MAP3K13: variants seen among roughly 807,000 people sequenced by gnomAD.
MAP3K13 encodes the protein leucine zipper-bearing kinase.
A neutral mutation model predicts 104.0 loss-of-function variants in MAP3K13; 52 were observed. The observed-to-expected ratio is 0.50, with a 90% confidence interval of 0.40 to 0.63. MAP3K13 has a LOEUF of 0.63. MAP3K13 is among the 20% of genes least tolerant of loss of function. MAP3K13 has a pLI of 0.00. For synonymous variants in MAP3K13, 394 were observed against 442.2 expected (o/e 0.89, Z 1.37); for missense variants, 914 against 1,218.5 (o/e 0.75, Z 3.72).
intron 2 of MAP3K13, chr3:185,329,008 A>C: frequency 8.3e-6 from 4 of 479,310 alleles, no homozygotes. Flanking sequence ...TTTTCATATA[A>C]AAAGGATTGT....
chr3:185,406,507 T>C (rs993078284), intron 1 of MAP3K13, among the ~76,000 whole-genome samples: 1 of 152,190 alleles, frequency 6.6e-6, no homozygotes, highest in Non-Finnish European at 1.5e-5. Flanking sequence ...TAAAAAATAA[T>C]CAGACTATTC....
intron 2 of MAP3K13, among the ~76,000 whole-genome samples, chr3:185,321,093 CATGCGTGCACACACAT>C (rs906216944): frequency 6.6e-6 from 1 of 151,624 alleles, no homozygotes; most frequent in African/African-American, 2.4e-5. Context: ...CACATATACA[CATGCGTGCACACACAT>C]ATGCGTGCAC....
Position 185,450,590 on chromosome 3 carries a change from G to T in MAP3K13, c.1169+532G>T, listed in dbSNP as rs563826250. Reference sequence around the variant, plus strand: ...AAGAGCAGCTTGGGCAACATAGCGAGACCCCATCTCTGTGTTAAAAACATA... The same window carrying T: ...AAGAGCAGCTTGGGCAACATAGCGATACCCCATCTCTGTGTTAAAAACATA... On this transcript the variant is annotated intron_variant, in intron 6 of 13. Transcript: ENST00000265026. This position sits in a 1 kb window ranked among gnomAD's most constrained non-coding sequence, Gnocchi z 4.2. 4.6e-5 allele frequency among the ~76,000 whole-genome samples: 7 copies of T among 151,886 alleles called. No individual in the cohort carries two copies. The highest frequency in any genetic ancestry group is 9.7e-5 in the African/African-American group (4 of 41,392).
chr3:185,463,458 T>G, intron 7 of MAP3K13, 92 bp from the exon 8 acceptor site: 2 of 698,774 alleles, frequency 2.9e-6, no homozygotes, highest in Non-Finnish European at 2.6e-6. Context: ...AGTAGAAGCA[T>G]GCAGGGAAAA....
intron 1 of MAP3K13, among the ~76,000 whole-genome samples, chr3:185,395,660 C>T (rs952262831): frequency 6.7e-6 from 1 of 149,300 alleles, no homozygotes; most frequent in Non-Finnish European, 1.5e-5. Flanking sequence ...GCCCGGCCTT[C>T]AATATTATTT....
intron 2 of MAP3K13, among the ~76,000 whole-genome samples, chr3:185,326,586 C>T (rs773757297): frequency 1.2e-4 from 19 of 152,066 alleles, no homozygotes; most frequent in South Asian, 2.1e-4. Flanking sequence ...ATATTGTGCC[C>T]GTTTTACAGA....
intron 1 of MAP3K13, among the ~76,000 whole-genome samples, chr3:185,416,019 A>G (rs1251046908): frequency 6.6e-6 from 1 of 152,228 alleles, no homozygotes; most frequent in Admixed American, 6.5e-5. Flanking sequence ...AATTAAAGAC[A>G]AAGGAAATGA....
intron 1 of MAP3K13, among the ~76,000 whole-genome samples, chr3:185,425,848 T>A (rs1714378545): frequency 6.6e-6 from 1 of 152,216 alleles, no homozygotes. Flanking sequence ...ACACATTTTA[T>A]ATTTATTTTT....
chr3:185,457,472 C>T (rs1475138853), intron 7 of MAP3K13, among the ~76,000 whole-genome samples: 1 of 152,158 alleles, frequency 6.6e-6, no homozygotes, highest in Non-Finnish European at 1.5e-5. Context: ...TAGGTGATGC[C>T]TTCTCACTGT....
At chr3:185,353,773 A>G (rs991598019) in intron 2 of MAP3K13, among the ~76,000 whole-genome samples, 2 of 152,174 alleles carry the variant, frequency 1.3e-5, no homozygotes, top group Non-Finnish European at 2.9e-5. Context: ...TGTATGCCTT[A>G]CCAGTTTTAC....
chr3:185,397,781 A>C (rs1577507651), intron 1 of MAP3K13, among the ~76,000 whole-genome samples: 2 of 152,186 alleles, frequency 1.3e-5, no homozygotes, highest in South Asian at 4.1e-4. Flanking sequence ...TCTGCCTGCC[A>C]TGAGGGTTGT....
intron 7 of MAP3K13, among the ~76,000 whole-genome samples, chr3:185,457,144 T>A (rs373622990): frequency 0.016 from 861 of 54,782 alleles, 4 homozygotes; most frequent in Middle Eastern, 0.032. Flanking sequence ...CACAGTCGGG[T>A]TCCTCACCTG....
chr3:185,384,951 T>C (rs560543103), intron 1 of MAP3K13, among the ~76,000 whole-genome samples: 2 of 152,342 alleles, frequency 1.3e-5, no homozygotes, highest in East Asian at 3.9e-4. Context: ...TTAAATTCAG[T>C]GTAGTCCTGT....
At chr3:185,394,777 C>T (rs1712280504) in intron 1 of MAP3K13, among the ~76,000 whole-genome samples, 1 of 152,134 alleles carries the variant, frequency 6.6e-6, no homozygotes, top group South Asian at 2.1e-4. Context: ...TATTTCCGCT[C>T]TAAGGAGAGG....
intron 2 of MAP3K13, among the ~76,000 whole-genome samples, chr3:185,288,586 C>T (rs1342514336): frequency 6.7e-6 from 1 of 149,434 alleles, no homozygotes; most frequent in East Asian, 1.9e-4. Context: ...TTGAGTTAGT[C>T]AATGAGAAAA....
At chr3:185,470,124 A>G (rs763543768) in intron 10 of MAP3K13, among the ~76,000 whole-genome samples, 2 of 152,084 alleles carry the variant, frequency 1.3e-5, no homozygotes, top group Non-Finnish European at 1.5e-5. Context: ...TACCTTTTTT[A>G]TTTATTGCAT....
chr3:185,415,564 G>T (rs1448493562), intron 1 of MAP3K13, among the ~76,000 whole-genome samples: 1 of 144,414 alleles, frequency 6.9e-6, no homozygotes, highest in African/African-American at 2.5e-5. Context: ...ATTAAAACCA[G>T]AAGGGTTAAT....
rs956661954 is a variant in MAP3K13 at position 185,473,754 on chromosome 3, T to C, written c.2423T>C (p.Leu808Pro). ...GCGCTACCTCGAAAAACAAGGCCTC[T>C]GCAGAAGGTAAAGTGTAATGATGAG... Reference protein sequence around the residue: ...PPALPRKTRPLQKSGDDSSEE... With the variant: ...PPALPRKTRPPQKSGDDSSEE... The change falls in exon 11 of 14, where the codon CTG becomes CCG. Residue 808 changes from leucine (L) to proline (P), a missense_variant. Leu to Pro is a moderately conservative substitution (Grantham distance 98). Transcript: ENST00000265026. This position sits in a 1 kb window ranked among gnomAD's most constrained non-coding sequence, Gnocchi z 4.9. The C allele has an allele frequency of 1.2e-6, 2 of 1,612,258 alleles. No individual in the cohort carries two copies. Among genetic ancestry groups the C allele is most frequent in the African/African-American group, 2.7e-5 (2 of 74,790 alleles).
chr3:185,381,225 G>C (rs925315757), intron 1 of MAP3K13, among the ~76,000 whole-genome samples: 1 of 152,184 alleles, frequency 6.6e-6, no homozygotes, highest in African/African-American at 2.4e-5. Context: ...GCCTCCCAAA[G>C]TGCTAGGATT....
Sources: gnomAD v4.1 joint callset for allele counts (sites outside exome capture counted in the v4.1 genomes callset) on GRCh38, gnomAD v4.1.1 for gene constraint, Gnocchi (gnomAD v3.1) non-coding constraint, MANE v1.5 for transcripts, NCBI Gene and HGNC (gene_info 2026-07-23, HGNC 2026-07-21) for gene names.